TBCB: variants seen among roughly 807,000 people sequenced by gnomAD.
TBCB encodes tubulin-folding cofactor B.
Under a neutral mutation model 29.2 loss-of-function variants are expected in TBCB, and 18 were observed. The observed-to-expected ratio is 0.62, with a 90% CI of 0.43 to 0.91. TBCB has a LOEUF of 0.91. Ranked by LOEUF, TBCB falls within the 40% of genes least tolerant of loss-of-function variation. The probability of loss-of-function intolerance (pLI) is 0.00; values close to 1 mark genes in which losing one functional copy is unlikely to be tolerated. For missense variants in TBCB, 336 were observed against 337.6 expected (o/e 1.00, Z 0.04); for synonymous variants, 172 against 137.8 (o/e 1.25, Z -1.74).
At chr19:36,119,275 G>A (rs188017612) in intron 2 of TBCB, among the ~76,000 whole-genome samples, 2 of 152,256 alleles carry the variant, frequency 1.3e-5, no homozygotes, top group Non-Finnish European at 2.9e-5. Flanking sequence ...TCTCAGTGAC[G>A]CTTCATCCGG....
Position 36,125,869 on chromosome 19 carries a change from C to G in TBCB, c.*87C>G. On this transcript the variant is annotated 3_prime_UTR_variant, in exon 6 of 6. Coordinates refer to ENST00000221855, the MANE Select transcript of TBCB (RefSeq NM_001281.3). ...GCCCATGGCCCTTTTCTCCTGACCC[C>G]ATTTTAATTTTATTCATTTTTTCCT... 2 of 946,116 alleles carry G rather than the reference C, an allele frequency of 2.1e-6. No individual in the cohort carries two copies. 58.6% of individuals were successfully genotyped at this position (946,116 alleles called of 1,614,324 possible).
rs370865201 is a variant in TBCB, at chr19:36,121,924, A to C, written c.547+206A>C. The C allele has an allele frequency of 5.4e-5, 37 of 685,882 alleles. No individual in the cohort carries two copies. In the African/African-American group the frequency reaches 6.7e-4, roughly 12 times the overall value. 42.5% of individuals were successfully genotyped at this position (685,882 alleles called of 1,614,324 possible). A position where few individuals can be genotyped will look rare whatever the true frequency, so the allele number is the denominator to read the frequency against. Reference sequence around the variant, plus strand: ...GTTTGTGGAGGGAAGTGGGAGGCGCAGGCGGAGTGATCTGTCCAGCGAGGG... The same window carrying C: ...GTTTGTGGAGGGAAGTGGGAGGCGCCGGCGGAGTGATCTGTCCAGCGAGGG... On this transcript the variant is annotated intron_variant, in intron 4 of 5. Transcript: ENST00000221855.
intron 2 of TBCB, among the ~76,000 whole-genome samples, chr19:36,120,182 T>C (rs960320523): frequency 6.6e-5 from 10 of 152,156 alleles, no homozygotes; most frequent in African/African-American, 4.8e-5. Context: ...TGGTTGGCCT[T>C]CTCCCTGCAC....
chr19:36,121,835 GA>G, intron 4 of TBCB, 117 bp downstream of exon 4: 2 of 1,289,006 alleles, frequency 1.6e-6, no homozygotes, highest in Non-Finnish European at 2.2e-6. Flanking sequence ...GGTTGGGGGG[GA>G]CTCGAAACGA....
At chr19:36,120,881 G>T in intron 3 of TBCB, 75 bp downstream of exon 3, 1 of 1,438,476 alleles carries the variant, frequency 7.0e-7, no homozygotes, top group South Asian at 1.2e-5. Context: ...GGGCAGGTTA[G>T]ACAGGGCCCC....
At position 36,121,554 on chromosome 19, in the gene TBCB, G is replaced by A; in HGVS notation, c.383G>A (p.Ser128Asn). Residue 128 changes from serine to asparagine, a missense_variant, in exon 4 of 6, where the codon AGC becomes AAC. Physicochemically the swap from Ser to Asn is conservative, Grantham distance 46. Coordinates refer to ENST00000221855, the MANE Select transcript of TBCB (RefSeq NM_001281.3). ...QDTVRSFLKR[S>N]KLGRYNEEER... The stretch of plus-strand genomic sequence containing the variant: ...ACGGTCCGCTCTTTCCTGAAGCGCA[G>A]CAAGCTCGGCCGGTACAACGAGGAG... 1 of 1,560,830 alleles carries A rather than the reference G, an allele frequency of 6.4e-7. No homozygotes were observed.
chr19:36,117,340 C>T (rs964331152), intron 2 of TBCB, among the ~76,000 whole-genome samples: 4 of 152,052 alleles, frequency 2.6e-5, no homozygotes, highest in Non-Finnish European at 2.9e-5. Context: ...GTCCGTGAAT[C>T]GTTTTTTGTT....
upstream of TBCB, chr19:36,115,382 C>T (rs959433604): frequency 4.0e-5 from 24 of 598,928 alleles, no homozygotes; most frequent in Non-Finnish European, 6.8e-5. Context: ...GAGCCCTCTT[C>T]CTGGCGGTGG....
At chr19:36,121,830 G>A (rs551640599) in intron 4 of TBCB, 112 bp downstream of exon 4, 30 of 1,355,818 alleles carry the variant, frequency 2.2e-5, no homozygotes, top group Non-Finnish European at 2.8e-5. Flanking sequence ...CGCGGGGTTG[G>A]GGGGGACTCG....
At chr19:36,119,910 C>A (rs973388590) in intron 2 of TBCB, among the ~76,000 whole-genome samples, 14 of 149,422 alleles carry the variant, frequency 9.4e-5, no homozygotes, top group African/African-American at 2.7e-4. Flanking sequence ...AAAAAAAAAA[C>A]CCAAAGTCTC....
At chr19:36,117,153 A>G (rs1464076714) in intron 2 of TBCB, among the ~76,000 whole-genome samples, 1 of 151,864 alleles carries the variant, frequency 6.6e-6, no homozygotes, top group Non-Finnish European at 1.5e-5. Flanking sequence ...TCTTTGCTTT[A>G]TTTTAGATTT....
rs1033185392 is a variant in TBCB at position 36,115,597 on chromosome 19, G to A, written c.37G>A (p.Val13Ile). The change falls in exon 1 of 6, where the codon GTT becomes ATT. Residue 13 changes from valine (V) to isoleucine (I), a missense_variant. By Grantham distance (29) the Val-to-Ile change is conservative. Coordinates refer to ENST00000221855, the MANE Select transcript of TBCB (RefSeq NM_001281.3). ...GGGGGTGTCGGCACCCACGGTGACC[G>A]TTTTCATCAGCAGCTCCCTCAACAC... is the stretch of plus-strand genomic sequence containing the variant. ...VTGVSAPTVTVFISSSLNTFR... is the reference protein window; with the variant it reads ...VTGVSAPTVTIFISSSLNTFR... 3 of 1,608,260 alleles carry A rather than the reference G, an allele frequency of 1.9e-6. No homozygotes were observed. The highest frequency in any genetic ancestry group is 1.1e-5 in the South Asian group (1 of 90,288).
intron 2 of TBCB, 161 bp downstream of exon 2, chr19:36,116,345 A>G: frequency 1.0e-6 from 1 of 1,000,168 alleles, no homozygotes; most frequent in Non-Finnish European, 1.4e-6. Context: ...TTAGACAGGG[A>G]CAGCCTAGAG....
intron 2 of TBCB, chr19:36,116,398 C>T (rs1180098627): frequency 2.1e-5 from 11 of 521,246 alleles, no homozygotes; most frequent in Non-Finnish European, 1.3e-5. Context: ...ACTGGAGCCA[C>T]CAAGAAGAGG....
rs760605384 is a variant in TBCB, at chr19:36,120,733, C to T, written c.282C>T (p.Arg94=). The T allele has an allele frequency of 3.8e-5, 62 of 1,614,024 alleles. No homozygotes were observed. The highest frequency in any genetic ancestry group is 5.1e-5 in the Non-Finnish European group (60 of 1,180,034). Residue 94 remains arginine, a synonymous_variant, in exon 3 of 6, where the codon CGC becomes CGT. Coordinates refer to ENST00000221855, the MANE Select transcript of TBCB (RefSeq NM_001281.3). The part of the protein sequence containing the change: ...RIHVIDHSGA[R]LGEYEDVSRV... ...AGGTCATTGACCACAGTGGCGCCCG[C>T]CTTGGTGAGTATGAGGACGTGTCCC...
Sources: allele counts gnomAD v4.1 joint callset (sites outside exome capture counted in the v4.1 genomes callset), GRCh38; gene constraint gnomAD v4.1.1; transcripts MANE v1.5; gene names NCBI Gene and HGNC (gene_info 2026-07-23, HGNC 2026-07-21).